Variants in EPS15 observed in about 807,000 individuals in gnomAD.
EPS15 encodes epidermal growth factor receptor pathway substrate 15.
EPS15 carries 72 observed loss-of-function variants against 113.8 expected under a neutral mutation model. The observed-to-expected ratio is 0.63, with a 90% CI of 0.52 to 0.77. EPS15 has a LOEUF of 0.77. Ranked by LOEUF, EPS15 falls within the 30% of genes least tolerant of loss-of-function variation. EPS15 has a pLI of 0.00. For synonymous variants in EPS15, 344 were observed against 363.4 expected, an observed-to-expected ratio of 0.95 and a Z score of 0.61; for missense variants, 1,048 against 1,045.8, an observed-to-expected ratio of 1.00 and a Z score of -0.03.
intron 1 of EPS15, among the ~76,000 whole-genome samples, chr1:51,501,566 C>T (rs1644415520): frequency 6.6e-6 from 1 of 151,630 alleles, no homozygotes; most frequent in African/African-American, 2.4e-5. Flanking sequence ...TGCAACCTCG[C>T]CTCCCGGGTT....
At chr1:51,481,027 C>T (rs1644011606) in intron 2 of EPS15, among the ~76,000 whole-genome samples, 1 of 152,234 alleles carries the variant, frequency 6.6e-6, no homozygotes, top group African/African-American at 2.4e-5. Context: ...CTGGATAAAT[C>T]TATCAAATGT....
In EPS15 at chr1:51,402,448, A is replaced by T; in HGVS notation, c.1869T>A (p.Asp623Glu). The T allele has an allele frequency of 6.4e-7, 1 of 1,574,554 alleles. No individual in the cohort carries two copies. Among genetic ancestry groups the T allele is most frequent in the Non-Finnish European group, 8.7e-7 (1 of 1,152,538 alleles). Residue 623 changes from aspartate (D) to glutamate (E), a missense_variant, in exon 18 of 25, where the codon GAT becomes GAA. By Grantham distance (45) the Asp-to-Glu change is conservative (BLOSUM62 2). Coordinates refer to ENST00000371733, the MANE Select transcript of EPS15 (RefSeq NM_001981.3). ...ADTNLDFFQS[D>E]PFVGSDPFKD... ...AAGAGTACTTACTGCCAACAAAAGG[A>T]TCAGACTGGAAAAAATCCAAGTTTG...
rs561544708 is a variant in EPS15 at position 51,375,728 on chromosome 1, C to T, written c.2120-9699G>A. 3.9e-4 allele frequency among the ~76,000 whole-genome samples: 60 copies of T among 152,260 alleles called. 1 individual carries two copies. Among genetic ancestry groups the T allele is most frequent in the African/African-American group, 1.4e-3 (60 of 41,562 alleles). ...ATAATAATAACTAATTCTCCTTCTC[C>T]ATATTCTCATAATTAAAAGTTTTCA... On this transcript the variant is annotated intron_variant, in intron 21 of 24. Transcript: ENST00000371733.
chr1:51,386,033 C>T lies in EPS15; in HGVS notation c.2119+8348G>A, dbSNP rs999674744. Among the ~76,000 whole-genome samples, 7 of 152,132 alleles carry T rather than the reference C, an allele frequency of 4.6e-5. No individual in the cohort carries two copies. The East Asian group carries it at 1.3e-3, about 29-fold the overall frequency. On this transcript the variant is annotated intron_variant, in intron 21 of 24. Transcript: ENST00000371733. ...ATTTAAAAAAGGTTAAAATGCCAAACTTTATGTTATGTATATTTTACCACA... is the reference window on the plus strand; with the variant it reads ...ATTTAAAAAAGGTTAAAATGCCAAATTTTATGTTATGTATATTTTACCACA...
intron 21 of EPS15, 112 bp from the exon 22 acceptor site, chr1:51,366,141 C>A: frequency 3.1e-6 from 2 of 654,098 alleles, no homozygotes; most frequent in South Asian, 2.0e-5. Flanking sequence ...GATCATGGCT[C>A]ACTGCAGCCT....
chr1:51,395,169 A>G (rs1647804884), intron 20 of EPS15, among the ~76,000 whole-genome samples: 1 of 152,168 alleles, frequency 6.6e-6, no homozygotes, highest in Non-Finnish European at 1.5e-5. Flanking sequence ...TTATCTTGGA[A>G]TAATTTACAT....
intron 16 of EPS15, among the ~76,000 whole-genome samples, chr1:51,404,858 C>T (rs562186714): frequency 1.1e-4 from 16 of 152,292 alleles, no homozygotes; most frequent in African/African-American, 3.6e-4. Context: ...AAGGGATACA[C>T]ATTTATACTT....
chr1:51,401,079 A>G (rs1415676836), intron 18 of EPS15, 126 bp from the exon 19 acceptor site: 2 of 584,174 alleles, frequency 3.4e-6, no homozygotes, highest in Non-Finnish European at 6.1e-6. Flanking sequence ...TTCACAGTAG[A>G]TAAAATAAGG....
chr1:51,437,492 A>ATT (rs765352350), intron 12 of EPS15, among the ~76,000 whole-genome samples: 8 of 136,854 alleles, frequency 5.8e-5, no homozygotes, highest in Admixed American at 7.4e-5. Flanking sequence ...AAAAAAAAAA[A>ATT]TTTTTTTTTT....
intron 20 of EPS15, 38 bp from the exon 21 acceptor site, chr1:51,394,485 A>G (rs1240135753): frequency 3.7e-6 from 5 of 1,349,580 alleles, no homozygotes; most frequent in Non-Finnish European, 5.2e-6. Flanking sequence ...GAGAGAGGCA[A>G]CACTTCACAG....
At chr1:51,508,282 A>G (rs1376722301) in intron 1 of EPS15, among the ~76,000 whole-genome samples, 29 of 142,264 alleles carry the variant, frequency 2.0e-4, no homozygotes, top group East Asian at 4.0e-4. Flanking sequence ...GAAAGAGAGA[A>G]AGAGAGAAAG....
intron 12 of EPS15, chr1:51,423,621 T>C (rs1232328890): frequency 1.0e-5 from 10 of 985,130 alleles, no homozygotes; most frequent in Non-Finnish European, 1.2e-5. Flanking sequence ...TAGAAAACAC[T>C]ACAGTGTCAC....
intron 21 of EPS15, 60 bp from the exon 22 acceptor site, chr1:51,366,089 C>T (rs1009374688): frequency 7.6e-5 from 88 of 1,154,938 alleles, no homozygotes; most frequent in Middle Eastern, 5.8e-4. Context: ...TTTTTTGAGA[C>T]AGAGTCTCAC....
At chr1:51,398,867 C>G (rs1648229457) in intron 20 of EPS15, among the ~76,000 whole-genome samples, 165 bp downstream of exon 20, 1 of 152,128 alleles carries the variant, frequency 6.6e-6, no homozygotes, top group Non-Finnish European at 1.5e-5. Context: ...CTATGAAATA[C>G]CAGTCTGAAC....
chr1:51,485,208 T>G (rs1271410582), intron 1 of EPS15, among the ~76,000 whole-genome samples: 2 of 152,208 alleles, frequency 1.3e-5, no homozygotes, highest in Non-Finnish European at 2.9e-5. Flanking sequence ...ATATTCCCAC[T>G]GTTAAATTTT....
chr1:51,511,883 G>A (rs182824428), intron 1 of EPS15, among the ~76,000 whole-genome samples: 1 of 152,298 alleles, frequency 6.6e-6, no homozygotes, highest in African/African-American at 2.4e-5. Flanking sequence ...AAAACTCCTG[G>A]TACTGTTATA....
chr1:51,440,083 CA>C (rs148945000), intron 12 of EPS15, among the ~76,000 whole-genome samples: 2,669 of 152,016 alleles, frequency 0.018, 42 homozygotes, highest in Non-Finnish European at 0.028. Flanking sequence ...GTTTATTTGG[CA>C]GTGACTTTTC....
intron 16 of EPS15, among the ~76,000 whole-genome samples, chr1:51,405,247 T>TA (rs745366113): frequency 3.0e-4 from 46 of 152,326 alleles, no homozygotes; most frequent in Admixed American, 1.4e-3. Flanking sequence ...TATTATGTAA[T>TA]ACAGCACTCT....
At chr1:51,427,325 A>G (rs1010587699) in intron 12 of EPS15, among the ~76,000 whole-genome samples, 1 of 152,216 alleles carries the variant, frequency 6.6e-6, no homozygotes, top group Non-Finnish European at 1.5e-5. Flanking sequence ...TACTTACTCA[A>G]TAACACATAC....
Sources: gnomAD v4.1 joint callset for allele counts (sites outside exome capture counted in the v4.1 genomes callset) on GRCh38, gnomAD v4.1.1 for gene constraint, MANE v1.5 for transcripts, NCBI Gene and HGNC (gene_info 2026-07-23, HGNC 2026-07-21) for gene names.